The following PDE9A variants were observed in gnomAD, a reference collection of about 807,000 sequenced individuals.
PDE9A encodes the protein phosphodiesterase 9A, also known as high affinity cGMP-specific 3',5'-cyclic phosphodiesterase 9A.
A neutral mutation model predicts 87.4 loss-of-function variants in PDE9A; 60 were observed. That is an observed-to-expected ratio of 0.69 (90% CI 0.56 to 0.85). The LOEUF is 0.85. PDE9A is among the 40% of genes least tolerant of loss of function. The pLI, the probability that PDE9A is intolerant of heterozygous loss-of-function variation, is 0.00. For missense variants in PDE9A, 665 were observed against 779.0 expected (o/e 0.85, Z 1.74); for synonymous variants, 272 against 279.4 (o/e 0.97, Z 0.27).
At chr21:42,693,148 G>A (rs559293194) in intron 3 of PDE9A, among the ~76,000 whole-genome samples, 1 of 152,336 alleles carries the variant, frequency 6.6e-6, no homozygotes, top group Admixed American at 6.5e-5. Flanking sequence ...CTCCTGCAGA[G>A]AATGCCTGAG....
chr21:42,767,950 A>G (rs2056562891), intron 15 of PDE9A, among the ~76,000 whole-genome samples: 3 of 152,176 alleles, frequency 2.0e-5, no homozygotes, highest in Admixed American at 2.0e-4. Context: ...GCTTCAGGGG[A>G]TATCACCTGG....
intron 3 of PDE9A, among the ~76,000 whole-genome samples, chr21:42,691,586 C>T (rs2059840286): frequency 6.6e-6 from 1 of 151,714 alleles, no homozygotes; most frequent in South Asian, 2.1e-4. Context: ...GTCACCCAGA[C>T]ACATCACCAT....
chr21:42,758,831 C>T (rs2055356287), intron 10 of PDE9A, 168 bp from the exon 11 acceptor site: 3 of 585,784 alleles, frequency 5.1e-6, no homozygotes, highest in African/African-American at 3.7e-5. Context: ...CCTCTCTTCC[C>T]ATGTCTGCCG....
At chr21:42,731,617 T>TC in intron 4 of PDE9A, 153 bp from the exon 5 acceptor site, 2 of 743,648 alleles carry the variant, frequency 2.7e-6, no homozygotes, top group Non-Finnish European at 4.4e-6. Flanking sequence ...CAGGCCTGCC[T>TC]CCCCCGTGCA....
rs371497177 is a variant in PDE9A at position 42,682,272 on chromosome 21, T to C, written c.70-3920T>C. Among the ~76,000 whole-genome samples the C allele has an allele frequency of 9.2e-5, 14 of 152,358 alleles. No homozygotes were observed. In the East Asian group the frequency reaches 1.5e-3, roughly 17 times the overall value. ...TATAAGGAGTGAAGCAATGTTGAAATGGACTTACAAACGGATGCAGCTATA... is the reference window on the plus strand; with the variant it reads ...TATAAGGAGTGAAGCAATGTTGAAACGGACTTACAAACGGATGCAGCTATA... On this transcript the variant is annotated intron_variant, in intron 1 of 19. Coordinates refer to ENST00000291539, the MANE Select transcript of PDE9A (RefSeq NM_002606.3).
intron 16 of PDE9A, chr21:42,768,743 G>T: frequency 2.0e-6 from 2 of 985,430 alleles, no homozygotes; most frequent in Non-Finnish European, 2.4e-6. Flanking sequence ...AACCCTAGGA[G>T]AAGTCGGGAG....
chr21:42,661,321 G>A (rs1055523595), intron 1 of PDE9A, among the ~76,000 whole-genome samples: 3 of 148,536 alleles, frequency 2.0e-5, no homozygotes, highest in African/African-American at 7.7e-5. Context: ...GAGCCACCAC[G>A]CCCAGCCTTT....
chr21:42,673,679 C>T (rs1490085535), intron 1 of PDE9A, among the ~76,000 whole-genome samples: 2 of 152,192 alleles, frequency 1.3e-5, no homozygotes, highest in South Asian at 2.1e-4. Context: ...TTTGGGGGTT[C>T]GAGGTGGCAG....
chr21:42,704,181 G>A lies in PDE9A; in HGVS notation c.262+5170G>A, dbSNP rs2048614413. Among the ~76,000 whole-genome samples the A allele has an allele frequency of 6.6e-6, 1 of 152,190 alleles. No individual in the cohort carries two copies. Among genetic ancestry groups the A allele is most frequent in the Non-Finnish European group, 1.5e-5 (1 of 68,028 alleles). The stretch of plus-strand genomic sequence containing the variant: ...GAGCGGCCACACGGAAGGCCAGGCT[G>A]GGTGTCCCTCCGGGCCAGCCGAGGA... On this transcript the variant is annotated intron_variant, in intron 4 of 19. Coordinates refer to ENST00000291539, the MANE Select transcript of PDE9A (RefSeq NM_002606.3). This position sits in a 1 kb window ranked among gnomAD's most constrained non-coding sequence, Gnocchi z 5.3.
intron 1 of PDE9A, among the ~76,000 whole-genome samples, chr21:42,680,749 C>T (rs1370679749): frequency 6.6e-6 from 1 of 152,218 alleles, no homozygotes; most frequent in African/African-American, 2.4e-5. Context: ...GCTGTGAACC[C>T]ACCGCTTGCG....
chr21:42,768,093 TC>T lies in PDE9A; in HGVS notation c.1357-94del, dbSNP rs60685467. ...TGCATGGTCCAGCAGGTCCTCCGTC[TC>T]TTCCTGCCTGTAATGGCAAGTCCAG... On this transcript the variant is annotated intron_variant, in intron 15 of 19. Transcript: ENST00000291539. The T allele has an allele frequency of 5.1e-3, 3,987 of 779,028 alleles. 146 individuals carry two copies. In the East Asian group the frequency reaches 0.074, roughly 14 times the overall value. 48.3% of individuals were successfully genotyped at this position (779,028 alleles called of 1,614,324 possible). A position where few individuals can be genotyped will look rare whatever the true frequency, so the allele number is the denominator to read the frequency against.
chr21:42,750,089 G>C (rs1468965843), intron 8 of PDE9A, among the ~76,000 whole-genome samples: 1 of 152,208 alleles, frequency 6.6e-6, no homozygotes, highest in Non-Finnish European at 1.5e-5. Flanking sequence ...GGTGAGCAAA[G>C]ATTGCGCCAC....
In PDE9A at chr21:42,659,752, A is replaced by T. The variant is rs936543467; in HGVS notation, c.69+5869A>T. Among the ~76,000 whole-genome samples, 1 of 152,214 alleles carries T rather than the reference A, an allele frequency of 6.6e-6. No homozygotes were observed. Among genetic ancestry groups the T allele is most frequent in the African/African-American group, 2.4e-5 (1 of 41,464 alleles). On this transcript the variant is annotated intron_variant, in intron 1 of 19. Transcript: ENST00000291539. This position sits in a 1 kb window ranked among gnomAD's most constrained non-coding sequence, Gnocchi z 4.1. Reference sequence around the variant, plus strand: ...CCAGAACCACAGGCCCCATGAGCCCAGGTCCCACAGCCCGCACCTTCGTCT... The same window carrying T: ...CCAGAACCACAGGCCCCATGAGCCCTGGTCCCACAGCCCGCACCTTCGTCT...
At position 42,686,200 on chromosome 21, in the gene PDE9A, C is replaced by T. The variant is rs776216619; in HGVS notation, c.78C>T (p.Phe26=). The T allele has an allele frequency of 1.2e-6, 2 of 1,613,628 alleles. No individual in the cohort carries two copies. Among genetic ancestry groups the T allele is most frequent in the African/African-American group, 2.7e-5 (2 of 74,930 alleles). The change falls in exon 2 of 20, where the codon TTC becomes TTT. Residue 26 remains phenylalanine (F), a synonymous_variant. Coordinates refer to ENST00000291539, the MANE Select transcript of PDE9A (RefSeq NM_002606.3). ...DIDGRIQKVI[F]SKYCNSSDIM... ...GCGCTTCTGTTTTGCAGGTAATCTT[C>T]AGCAAGTACTGCAACTCCAGCGACA...
intron 4 of PDE9A, among the ~76,000 whole-genome samples, chr21:42,706,812 G>T (rs962496606): frequency 6.6e-6 from 1 of 151,858 alleles, no homozygotes; most frequent in African/African-American, 2.4e-5. Flanking sequence ...GGCAGGCCCT[G>T]TTCTCTGTCC....
At position 42,772,396 on chromosome 21, in the gene PDE9A, G is replaced by A. The variant is rs770156872; in HGVS notation, c.1687-43G>A. ...GGAGAGAGGCAGACACTCCCCTGCT[G>A]TCTCCTGCTCCCTGACTTGGCCTTC... On this transcript the variant is annotated intron_variant, in intron 18 of 19. Coordinates refer to ENST00000291539, the MANE Select transcript of PDE9A (RefSeq NM_002606.3). The A allele has an allele frequency of 2.2e-6, 3 of 1,343,182 alleles. No individual in the cohort carries two copies. In the Admixed American group the frequency reaches 5.6e-5, roughly 25 times the overall value. 83.2% of individuals were successfully genotyped at this position (1,343,182 alleles called of 1,614,324 possible).
intron 1 of PDE9A, among the ~76,000 whole-genome samples, chr21:42,657,583 A>G (rs1037665541): frequency 1.3e-5 from 2 of 152,180 alleles, no homozygotes; most frequent in Non-Finnish European, 1.5e-5. Context: ...TGAGCTGCCC[A>G]TGGAGTGACA....
chr21:42,726,215 C>T (rs1201240944), intron 4 of PDE9A, among the ~76,000 whole-genome samples: 1 of 152,190 alleles, frequency 6.6e-6, no homozygotes, highest in African/African-American at 2.4e-5. Context: ...ATCTGCAAGT[C>T]TTTGTCAGAT....
chr21:42,737,570 G>A (rs1242124229), intron 7 of PDE9A, among the ~76,000 whole-genome samples: 2 of 152,144 alleles, frequency 1.3e-5, no homozygotes, highest in Non-Finnish European at 2.9e-5. Context: ...GGACACTTCT[G>A]TCTCAGCCTC....
Sources: allele counts gnomAD v4.1 joint callset (sites outside exome capture counted in the v4.1 genomes callset), GRCh38; gene constraint gnomAD v4.1.1; non-coding constraint Gnocchi (gnomAD v3.1); transcripts MANE v1.5; gene names NCBI Gene and HGNC (gene_info 2026-07-23, HGNC 2026-07-21).